Variants in PMFBP1 observed in about 807,000 individuals in gnomAD.
PMFBP1 encodes the protein polyamine-modulated factor 1-binding protein 1.
Under a neutral mutation model 137.8 loss-of-function variants are expected in PMFBP1, and 131 were observed. The ratio of observed to expected loss-of-function variants is 0.95; its 90% CI spans 0.82 to 1.10. PMFBP1 has a LOEUF of 1.10. Ranked by LOEUF, PMFBP1 falls within the 50% of genes least tolerant of loss-of-function variation. The pLI, the probability that PMFBP1 is intolerant of heterozygous loss-of-function variation, is 0.00. For missense variants in PMFBP1, 1,199 were observed against 1,175.4 expected (o/e 1.02, Z -0.29); for synonymous variants, 490 against 450.4 (o/e 1.09, Z -1.11).
chr16:72,227,538 T>TA, the PMFBP1 span, among the ~76,000 whole-genome samples: 83 of 152,200 alleles, frequency 5.5e-4, no homozygotes, highest in Non-Finnish European at 1.2e-4. Context: ...GTACTTGAAT[T>TA]AAAAAAATTG....
chr16:72,191,447 T>C, the PMFBP1 span, among the ~76,000 whole-genome samples: 1 of 152,362 alleles, frequency 6.6e-6, no homozygotes, highest in Admixed American at 6.5e-5. Context: ...GGACTATTTA[T>C]TTAAATATAT....
At chr16:72,187,752 G>C in the PMFBP1 span, among the ~76,000 whole-genome samples, 18 of 152,226 alleles carry the variant, frequency 1.2e-4, 1 homozygote, top group Non-Finnish European at 7.3e-5. Context: ...CTCTGGTGTG[G>C]ATGTGAAATT....
At chr16:72,162,837 T>G (rs2043084686) in intron 3 of PMFBP1, among the ~76,000 whole-genome samples, 1 of 152,224 alleles carries the variant, frequency 6.6e-6, no homozygotes, top group Non-Finnish European at 1.5e-5. Context: ...ATGACAGCAA[T>G]GGTGAAAATA....
the PMFBP1 span, chr16:72,224,565 C>T: frequency 6.5e-6 from 1 of 152,676 alleles, no homozygotes; most frequent in Non-Finnish European, 1.5e-5. Flanking sequence ...CCTATACTTT[C>T]CCACGCCTTT....
intron 5 of PMFBP1, among the ~76,000 whole-genome samples, chr16:72,145,995 T>C (rs1597476307): frequency 6.6e-6 from 1 of 151,986 alleles, no homozygotes; most frequent in Non-Finnish European, 1.5e-5. Context: ...TTCCAATCAA[T>C]AGAAAAAGAG....
chr16:72,168,173 G>A (rs2043172552), intron 2 of PMFBP1, among the ~76,000 whole-genome samples: 1 of 152,154 alleles, frequency 6.6e-6, no homozygotes, highest in Non-Finnish European at 1.5e-5. Flanking sequence ...ATGTTTTGAT[G>A]GATGTCAAGT....
chr16:72,147,651 C>T (rs2042830371), intron 5 of PMFBP1, among the ~76,000 whole-genome samples: 1 of 152,066 alleles, frequency 6.6e-6, no homozygotes, highest in Admixed American at 6.6e-5. Flanking sequence ...TATCCAGAAT[C>T]TACAAAGAAC....
In PMFBP1 at chr16:72,136,380, C is replaced by T. The variant is rs1013207475; in HGVS notation, c.1203+68G>A. The T allele has an allele frequency of 2.3e-5, 35 of 1,545,910 alleles. 1 individual carries two copies. The South Asian group carries it at 2.3e-4, about 10-fold the overall frequency. Reference sequence around the variant, plus strand: ...CAATAATGGTGGGTGAAGGCAGAACCGGTTAATGCCAGGACATGGCCTCAC... The same window carrying T: ...CAATAATGGTGGGTGAAGGCAGAACTGGTTAATGCCAGGACATGGCCTCAC... On this transcript the variant is annotated intron_variant, in intron 9 of 20. Transcript: ENST00000237353.
At chr16:72,220,155 T>A in the PMFBP1 span, among the ~76,000 whole-genome samples, 1 of 152,248 alleles carries the variant, frequency 6.6e-6, no homozygotes, top group African/African-American at 2.4e-5. Flanking sequence ...AAAAGAATTA[T>A]ACTCTTTAAA....
chr16:72,190,620 G>A, the PMFBP1 span, among the ~76,000 whole-genome samples: 3 of 152,280 alleles, frequency 2.0e-5, no homozygotes, highest in East Asian at 5.8e-4. Context: ...AGGAAAGAGA[G>A]TGAGCCTAGC....
chr16:72,181,492 T>G (rs999715773), upstream of PMFBP1, among the ~76,000 whole-genome samples: 3 of 152,158 alleles, frequency 2.0e-5, no homozygotes, highest in African/African-American at 4.8e-5. Context: ...GAGAGTCAAC[T>G]CAAACATTGG....
chr16:72,205,885 G>A, the PMFBP1 span, among the ~76,000 whole-genome samples: 1 of 152,238 alleles, frequency 6.6e-6, no homozygotes, highest in Non-Finnish European at 1.5e-5. Context: ...TGGAGGCTCT[G>A]AGGGCCTCCA....
the PMFBP1 span, among the ~76,000 whole-genome samples, chr16:72,188,884 T>C: frequency 6.6e-6 from 1 of 152,174 alleles, no homozygotes; most frequent in African/African-American, 2.4e-5. Flanking sequence ...AGCAAACATT[T>C]GCAGAGACCT....
chr16:72,242,101 G>T, the PMFBP1 span, among the ~76,000 whole-genome samples: 2 of 152,040 alleles, frequency 1.3e-5, no homozygotes, highest in Non-Finnish European at 2.9e-5. Flanking sequence ...CCCTGACACC[G>T]TGATATAGTG....
At chr16:72,248,759 G>A in the PMFBP1 span, among the ~76,000 whole-genome samples, 1 of 152,064 alleles carries the variant, frequency 6.6e-6, no homozygotes, top group African/African-American at 2.4e-5. Context: ...GCCCAATGAA[G>A]TTGAGAATTT....
chr16:72,160,630 G>A (rs1326935338), intron 3 of PMFBP1, among the ~76,000 whole-genome samples: 1 of 151,352 alleles, frequency 6.6e-6, no homozygotes. Flanking sequence ...TTTTAATGGA[G>A]ATATTTTTCT....
At chr16:72,247,822 T>C in the PMFBP1 span, among the ~76,000 whole-genome samples, 575 of 152,304 alleles carry the variant, frequency 3.8e-3, 4 homozygotes, top group Middle Eastern at 0.02. Context: ...TTTTATCCTG[T>C]TTAATTTTAG....
At chr16:72,242,618 T>C in the PMFBP1 span, among the ~76,000 whole-genome samples, 2 of 152,228 alleles carry the variant, frequency 1.3e-5, no homozygotes, top group African/African-American at 4.8e-5. Flanking sequence ...GCCTGATTTA[T>C]GGCAGAATAT....
chr16:72,230,878 A>G, the PMFBP1 span, among the ~76,000 whole-genome samples: 1 of 152,170 alleles, frequency 6.6e-6, no homozygotes, highest in Non-Finnish European at 1.5e-5. Context: ...TTCCTGTCAT[A>G]AGCATATAAT....
Sources: gnomAD v4.1 joint callset for allele counts (sites outside exome capture counted in the v4.1 genomes callset) on GRCh38, gnomAD v4.1.1 for gene constraint, MANE v1.5 for transcripts, NCBI Gene and HGNC (gene_info 2026-07-23, HGNC 2026-07-21) for gene names.